The following CFAP91 variants were observed in gnomAD, a reference collection of about 807,000 sequenced individuals.
CFAP91 encodes the protein cilia and flagella associated protein 91.
CFAP91 carries 85 observed loss-of-function variants against 95.9 expected under a neutral mutation model. The ratio of observed to expected loss-of-function variants is 0.89; its 90% confidence interval spans 0.74 to 1.06. The LOEUF (loss-of-function observed/expected upper bound fraction) is 1.06. CFAP91 is among the 50% of genes least tolerant of loss of function. The pLI, the probability that CFAP91 is intolerant of heterozygous loss-of-function variation, is 0.00. For missense variants in CFAP91, 962 were observed against 943.4 expected, an observed-to-expected ratio of 1.02 and a Z score of -0.26; for synonymous variants, 335 against 327.5, an observed-to-expected ratio of 1.02 and a Z score of -0.25.
At chr3:119,742,462 T>C (rs1247174045) in intron 13 of CFAP91, among the ~76,000 whole-genome samples, 1 of 152,198 alleles carries the variant, frequency 6.6e-6, no homozygotes, top group Non-Finnish European at 1.5e-5. Context: ...TAATTTCAAA[T>C]TAGATGGTAC....
At chr3:119,736,693 A>C (rs1051221341) in intron 10 of CFAP91, among the ~76,000 whole-genome samples, 4 of 152,126 alleles carry the variant, frequency 2.6e-5, no homozygotes, top group African/African-American at 9.7e-5. Flanking sequence ...TTTAAGGTTC[A>C]TCCAGGTTTT....
At chr3:119,730,490 TAG>T (rs1270910049) in intron 8 of CFAP91, 113 bp downstream of exon 8, 6 of 1,035,844 alleles carry the variant, frequency 5.8e-6, no homozygotes, top group Non-Finnish European at 8.6e-6. Flanking sequence ...GGGAATCACA[TAG>T]GTAAGGGCTA....
At chr3:119,716,041 C>T (rs1476598231) in intron 6 of CFAP91, 2 of 540,526 alleles carry the variant, frequency 3.7e-6, no homozygotes, top group East Asian at 5.9e-5. Context: ...TAGTGAACCA[C>T]TTCCTTTTCA....
chr3:119,750,023 AC>A (rs994969579), intron 16 of CFAP91, among the ~76,000 whole-genome samples: 3 of 152,140 alleles, frequency 2.0e-5, no homozygotes, highest in African/African-American at 7.2e-5. Context: ...GAGACATATG[AC>A]TTGCAAATTT....
intron 17 of CFAP91, among the ~76,000 whole-genome samples, chr3:119,764,015 T>C (rs1282679135): frequency 6.6e-6 from 1 of 152,082 alleles, no homozygotes; most frequent in Non-Finnish European, 1.5e-5. Flanking sequence ...TATGAAGTAG[T>C]GCATATGTTA....
In CFAP91 at chr3:119,751,117, CAG is replaced by C; in HGVS notation, c.*1+20_*1+21del. On this transcript the variant is annotated intron_variant, in intron 17 of 17. Transcript: ENST00000273390. ...AGCTAAGGTGAGTTTGATTTTCCACCAGGAAAAAAAGCAGAGAAAGGAAGAAA... is the reference window on the plus strand; with the variant it reads ...AGCTAAGGTGAGTTTGATTTTCCACCGAAAAAAAGCAGAGAAAGGAAGAAA... 6.3e-7 allele frequency: 1 copy of C among 1,576,168 alleles called. No individual in the cohort carries two copies. The highest frequency in any genetic ancestry group is 1.4e-5 in the African/African-American group (1 of 72,876).
intron 10 of CFAP91, 141 bp from the exon 11 acceptor site, chr3:119,737,225 C>G (rs1385684045): frequency 5.2e-6 from 3 of 576,774 alleles, no homozygotes; most frequent in African/African-American, 1.9e-5. Context: ...GTACAATATA[C>G]ATTATTCAGG....
chr3:119,717,390 C>A (rs1419550855), intron 6 of CFAP91, among the ~76,000 whole-genome samples: 1 of 152,204 alleles, frequency 6.6e-6, no homozygotes, highest in Non-Finnish European at 1.5e-5. Context: ...GGTACACTGT[C>A]ATAGCAGAAC....
At chr3:119,705,740 C>G (rs1048332019) in intron 1 of CFAP91, among the ~76,000 whole-genome samples, 3 of 152,132 alleles carry the variant, frequency 2.0e-5, no homozygotes, top group African/African-American at 4.8e-5. Context: ...TGTTGTCTCT[C>G]TCTCATGAAG....
In CFAP91 at chr3:119,738,451, C is replaced by T. The variant is rs1038467231; in HGVS notation, c.1462-804C>T. ...GCAACCTCTGCCTCCTGGGTTCAAG[C>T]GATTCTCCTGCGTCAGCCTTATGAG... On this transcript the variant is annotated intron_variant, in intron 11 of 17. Transcript: ENST00000273390. 5.7e-5 allele frequency among the ~76,000 whole-genome samples: 8 copies of T among 141,398 alleles called. No individual in the cohort carries two copies. The East Asian group carries it at 9.0e-4, about 16-fold the overall frequency. 92.8% of individuals were successfully genotyped at this position (141,398 alleles called of 152,430 possible). A position where few individuals can be genotyped will look rare whatever the true frequency, so the allele number is the denominator to read the frequency against.
chr3:119,732,091 C>T (rs2053909204), intron 8 of CFAP91, among the ~76,000 whole-genome samples: 1 of 152,244 alleles, frequency 6.6e-6, no homozygotes, highest in African/African-American at 2.4e-5. Context: ...GCTTCTGTCA[C>T]TCCTGCCTGT....
At chr3:119,731,380 TTA>T (rs1189871942) in intron 8 of CFAP91, among the ~76,000 whole-genome samples, 1 of 152,212 alleles carries the variant, frequency 6.6e-6, no homozygotes, top group Non-Finnish European at 1.5e-5. Context: ...TTGCTTAAAA[TTA>T]TGTTTAGTGA....
intron 6 of CFAP91, among the ~76,000 whole-genome samples, chr3:119,723,335 T>G (rs1472130347): frequency 6.6e-6 from 1 of 152,238 alleles, no homozygotes; most frequent in Non-Finnish European, 1.5e-5. Flanking sequence ...TATTTTATGA[T>G]GTAGCTGCTA....
At chr3:119,750,604 G>T in intron 16 of CFAP91, 1 of 321,364 alleles carries the variant, frequency 3.1e-6, no homozygotes, top group South Asian at 3.4e-5. Context: ...GAATAGGTTG[G>T]TACAAACTCA....
intron 6 of CFAP91, among the ~76,000 whole-genome samples, chr3:119,722,938 T>C (rs1405124831): frequency 2.0e-5 from 3 of 152,228 alleles, no homozygotes; most frequent in Admixed American, 2.0e-4. Flanking sequence ...AAAATATTTA[T>C]CAATGGGAAA....
chr3:119,758,805 A>G (rs999934483), intron 17 of CFAP91, among the ~76,000 whole-genome samples: 1 of 152,118 alleles, frequency 6.6e-6, no homozygotes, highest in Non-Finnish European at 1.5e-5. Context: ...CAAAGATGAA[A>G]TGAGAAAGAG....
chr3:119,703,120 G>T lies in CFAP91; in HGVS notation c.22G>T (p.Glu8Ter). MSHAVTI[E>*]EPQAQPQVSQ... The stretch of plus-strand genomic sequence containing the variant: ...CACCATGAGCCACGCAGTAACCATC[G>T]AGGAGCCCCAGGCCCAGCCGCAGGT... Residue 8 changes from glutamate to a stop codon, truncating the protein, a stop_gained, in exon 1 of 18, where the codon GAG (glutamate) becomes TAG (stop). Coordinates refer to ENST00000273390, the MANE Select transcript of CFAP91 (RefSeq NM_033364.4). LOFTEE classifies it high-confidence loss of function. 6.4e-7 allele frequency: 1 copy of T among 1,565,554 alleles called. No individual in the cohort carries two copies.
chr3:119,744,071 G>A lies in CFAP91; in HGVS notation c.1777G>A (p.Glu593Lys). The A allele has an allele frequency of 6.2e-7, 1 of 1,614,232 alleles. No individual in the cohort carries two copies. Among genetic ancestry groups the A allele is most frequent in the Non-Finnish European group, 8.5e-7 (1 of 1,180,022 alleles). ...LSKELVRLQE[E>K]RRIHAFVMLA... is the part of the protein sequence containing the mutation. The stretch of plus-strand genomic sequence containing the variant: ...CAAAGAGCTGGTGAGACTGCAGGAG[G>A]AGAGGAGGATCCATGCCTTTGTCAT... The change falls in exon 14 of 18, where the codon GAG becomes AAG. Residue 593 changes from glutamate to lysine, a missense_variant. Physicochemically the swap from Glu to Lys is moderately conservative, Grantham distance 56 (BLOSUM62 1). Transcript: ENST00000273390.
rs2054628228 is a variant in CFAP91 at position 119,766,389 on chromosome 3, GAC to G, written c.*1342_*1343del. 1 of 152,104 alleles carries G rather than the reference GAC, an allele frequency of 6.6e-6. No individual in the cohort carries two copies. The highest frequency in any genetic ancestry group is 2.1e-4 in the South Asian group (1 of 4,820). The allele number at this position is 152,104 out of a possible 1,614,324, so 9.4% of individuals were successfully genotyped here. A position where few individuals can be genotyped will look rare whatever the true frequency, so the allele number is the denominator to read the frequency against. On this transcript the variant is annotated 3_prime_UTR_variant, in exon 18 of 18. Transcript: ENST00000273390. ...CTTGCCCTAGCAAAACTAGGATTGG[GAC>G]ACCTTTTTTTCCCCCTGAGGATCAC...
Sources: allele counts gnomAD v4.1 joint callset (sites outside exome capture counted in the v4.1 genomes callset), GRCh38; gene constraint gnomAD v4.1.1; transcripts MANE v1.5; gene names NCBI Gene and HGNC (gene_info 2026-07-23, HGNC 2026-07-21).